Variants in PDGFC observed in about 807,000 individuals in gnomAD.
The protein encoded by PDGFC is platelet derived growth factor C.
A neutral mutation model predicts 35.5 loss-of-function variants in PDGFC; 12 were observed. The observed-to-expected ratio is 0.34, with a 90% CI of 0.22 to 0.55. PDGFC has a LOEUF of 0.55. Ranked by LOEUF, PDGFC falls within the 20% of genes least tolerant of loss-of-function variation. PDGFC has a pLI of 0.91. For synonymous variants in PDGFC, 159 were observed against 148.8 expected, an observed-to-expected ratio of 1.07 and a Z score of -0.50; for missense variants, 322 against 412.4, an observed-to-expected ratio of 0.78 and a Z score of 1.90.
chr4:156,812,847 C>T (rs1452697046), intron 2 of PDGFC, among the ~76,000 whole-genome samples: 1 of 152,062 alleles, frequency 6.6e-6, no homozygotes, highest in Non-Finnish European at 1.5e-5. Flanking sequence ...AGTTTGTCTC[C>T]CATCTCTGTC....
intron 3 of PDGFC, among the ~76,000 whole-genome samples, chr4:156,791,258 T>C (rs1731293653): frequency 1.3e-5 from 2 of 152,168 alleles, no homozygotes; most frequent in African/African-American, 2.4e-5. Context: ...TACCCCACTA[T>C]AAAGTGAAAA....
chr4:156,934,185 A>G (rs76086519), intron 1 of PDGFC, among the ~76,000 whole-genome samples: 70 of 152,350 alleles, frequency 4.6e-4, no homozygotes, highest in African/African-American at 1.7e-3. Flanking sequence ...CTAACATCAT[A>G]GAGCATGCTT....
chr4:156,821,986 G>A (rs1029829998), intron 2 of PDGFC, among the ~76,000 whole-genome samples: 1 of 152,090 alleles, frequency 6.6e-6, no homozygotes, highest in African/African-American at 2.4e-5. Flanking sequence ...TCAGTAAAGG[G>A]ACTGAATTTA....
At chr4:156,884,856 C>T (rs775472683) in intron 1 of PDGFC, among the ~76,000 whole-genome samples, 4 of 152,128 alleles carry the variant, frequency 2.6e-5, no homozygotes, top group East Asian at 1.9e-4. Flanking sequence ...CTCTACTGCA[C>T]GATGGATCAA....
chr4:156,873,626 G>A (rs1216206343), intron 1 of PDGFC, among the ~76,000 whole-genome samples: 2 of 152,014 alleles, frequency 1.3e-5, no homozygotes, highest in African/African-American at 4.8e-5. Flanking sequence ...CTGAATAATA[G>A]CACAAAAGGA....
intron 1 of PDGFC, among the ~76,000 whole-genome samples, chr4:156,956,452 G>A (rs1452032197): frequency 1.3e-5 from 2 of 151,998 alleles, no homozygotes; most frequent in African/African-American, 2.4e-5. Flanking sequence ...TACAGTTTAT[G>A]AAGCACCAAT....
intron 1 of PDGFC, among the ~76,000 whole-genome samples, chr4:156,950,674 T>TC: frequency 6.6e-6 from 1 of 151,942 alleles, no homozygotes; most frequent in Non-Finnish European, 1.5e-5. Context: ...TCTTTTTTTT[T>TC]CCTCTCCACT....
intron 5 of PDGFC, 66 bp from the exon 6 acceptor site, chr4:156,763,272 C>T (rs1730428957): frequency 1.4e-6 from 1 of 704,930 alleles, no homozygotes; most frequent in African/African-American, 1.8e-5. Flanking sequence ...CTTTTATAAA[C>T]AAGTAACGTT....
At chr4:156,820,937 A>T (rs1377681102) in intron 2 of PDGFC, among the ~76,000 whole-genome samples, 1 of 152,182 alleles carries the variant, frequency 6.6e-6, no homozygotes, top group African/African-American at 2.4e-5. Flanking sequence ...TTAGTTTCCA[A>T]TATTTTGGAA....
intron 3 of PDGFC, among the ~76,000 whole-genome samples, chr4:156,800,455 A>C: frequency 6.6e-6 from 1 of 152,338 alleles, no homozygotes; most frequent in East Asian, 1.9e-4. Flanking sequence ...ATACAATTAT[A>C]TCATCTGAAT....
At chr4:156,921,704 G>A (rs998456384) in intron 1 of PDGFC, among the ~76,000 whole-genome samples, 2 of 152,106 alleles carry the variant, frequency 1.3e-5, no homozygotes, top group Non-Finnish European at 2.9e-5. Flanking sequence ...AGAACTGGAA[G>A]AGTCTTTTGA....
At chr4:156,796,314 T>G (rs2110898010) in intron 3 of PDGFC, among the ~76,000 whole-genome samples, 1 of 152,094 alleles carries the variant, frequency 6.6e-6, no homozygotes, top group South Asian at 2.1e-4. Flanking sequence ...TATATAATAT[T>G]TTTATTTAGT....
intron 1 of PDGFC, among the ~76,000 whole-genome samples, chr4:156,945,120 T>G (rs1041049404): frequency 6.6e-6 from 1 of 151,782 alleles, no homozygotes; most frequent in Non-Finnish European, 1.5e-5. Context: ...AGTTTACTTA[T>G]TTATATGTTA....
At chr4:156,857,418 G>A (rs975448979) in intron 1 of PDGFC, among the ~76,000 whole-genome samples, 15 of 152,060 alleles carry the variant, frequency 9.9e-5, no homozygotes, top group Non-Finnish European at 1.9e-4. Context: ...ATTAAAGAAG[G>A]AGGAAAAGGA....
chr4:156,771,868 T>C (rs1469724287), intron 4 of PDGFC, among the ~76,000 whole-genome samples: 1 of 152,214 alleles, frequency 6.6e-6, no homozygotes, highest in Non-Finnish European at 1.5e-5. Flanking sequence ...TTTGAGTGCA[T>C]TGTAATTAAA....
At chr4:156,828,245 G>A (rs1728835092) in intron 2 of PDGFC, among the ~76,000 whole-genome samples, 1 of 152,050 alleles carries the variant, frequency 6.6e-6, no homozygotes, top group African/African-American at 2.4e-5. Context: ...CACTTTAAAA[G>A]GTCACCGTTT....
chr4:156,918,954 A>G (rs1434968046), intron 1 of PDGFC, among the ~76,000 whole-genome samples: 2 of 152,234 alleles, frequency 1.3e-5, no homozygotes, highest in African/African-American at 2.4e-5. Context: ...ACTATAATAA[A>G]GCTAACGCCA....
At chr4:156,904,767 A>G (rs575961119) in intron 1 of PDGFC, among the ~76,000 whole-genome samples, 1 of 152,126 alleles carries the variant, frequency 6.6e-6, no homozygotes, top group Admixed American at 6.5e-5. Flanking sequence ...CTAACCCTTT[A>G]TTCTTGCTTT....
chr4:156,906,267 AT>A (rs2110786537), intron 1 of PDGFC, among the ~76,000 whole-genome samples: 1 of 152,266 alleles, frequency 6.6e-6, no homozygotes, highest in Admixed American at 6.5e-5. Flanking sequence ...AATACGACAA[AT>A]TTAAGCTTTC....
Sources: gnomAD v4.1 joint callset for allele counts (sites outside exome capture counted in the v4.1 genomes callset) on GRCh38, gnomAD v4.1.1 for gene constraint, MANE v1.5 for transcripts, NCBI Gene and HGNC (gene_info 2026-07-23, HGNC 2026-07-21) for gene names.